Variants in PPP4R4 observed in about 807,000 individuals in gnomAD.
The protein encoded by PPP4R4 is protein phosphatase 4 regulatory subunit 4.
Under a neutral mutation model 121.8 loss-of-function variants are expected in PPP4R4, and 70 were observed. The ratio of observed to expected loss-of-function variants is 0.57; its 90% CI spans 0.47 to 0.70. PPP4R4 has a LOEUF of 0.70. Ranked by LOEUF, PPP4R4 falls within the 30% of genes least tolerant of loss-of-function variation. The pLI is 0.00. For missense variants in PPP4R4, 875 were observed against 1,033.6 expected (o/e 0.85, Z 2.10); for synonymous variants, 348 against 355.7 (o/e 0.98, Z 0.24).
chr14:94,242,439 T>C, intron 11 of PPP4R4, 31 bp downstream of exon 11: 1 of 1,581,840 alleles, frequency 6.3e-7, no homozygotes, highest in Non-Finnish European at 8.7e-7. Context: ...TCACTTTACG[T>C]TTGTTGTTAA....
chr14:94,238,574 A>G (rs938990601), intron 8 of PPP4R4, among the ~76,000 whole-genome samples: 3 of 152,196 alleles, frequency 2.0e-5, no homozygotes, highest in Non-Finnish European at 2.9e-5. Context: ...CCTTAGTGTT[A>G]TGTAAATCAT....
intron 3 of PPP4R4, among the ~76,000 whole-genome samples, chr14:94,214,841 C>G (rs1211250117): frequency 6.6e-6 from 1 of 152,112 alleles, no homozygotes; most frequent in Non-Finnish European, 1.5e-5. Flanking sequence ...AGAAAATTCC[C>G]CATCTGACCT....
intron 2 of PPP4R4, among the ~76,000 whole-genome samples, chr14:94,182,868 C>G (rs957376698): frequency 6.6e-6 from 1 of 152,088 alleles, no homozygotes; most frequent in Non-Finnish European, 1.5e-5. Context: ...TGTGCTTTGA[C>G]CAGTTTGTAC....
rs760397065 is a variant in PPP4R4, at chr14:94,245,675, A to T, written c.1428+5A>T. 1 of 1,563,722 alleles carries T rather than the reference A, an allele frequency of 6.4e-7. No homozygotes were observed. Among genetic ancestry groups the T allele is most frequent in the South Asian group, 1.1e-5 (1 of 87,720 alleles). ...AGCAGTGTTCAAGAAAATAAGGTAA[A>T]CTTCATCTTTCAGAAACATTCTGAG... On this transcript the variant is annotated splice_donor_5th_base_variant and intron_variant, in intron 13 of 24. Transcript: ENST00000304338.
At chr14:94,231,111 C>A in intron 4 of PPP4R4, 131 bp from the exon 5 acceptor site, 3 of 692,022 alleles carry the variant, frequency 4.3e-6, no homozygotes, top group Non-Finnish European at 6.8e-6. Context: ...AATAGAGAAA[C>A]TTTTTAGAAT....
intron 9 of PPP4R4, among the ~76,000 whole-genome samples, chr14:94,241,551 C>T (rs913152092): frequency 6.6e-6 from 1 of 151,850 alleles, no homozygotes; most frequent in African/African-American, 2.4e-5. Flanking sequence ...ACAGTTCCTG[C>T]GTTATGTAAG....
intron 2 of PPP4R4, among the ~76,000 whole-genome samples, chr14:94,208,058 T>G (rs1890555811): frequency 6.6e-6 from 1 of 151,950 alleles, no homozygotes; most frequent in Non-Finnish European, 1.5e-5. Context: ...CTGTCCCTGT[T>G]GCTATGACTA....
chr14:94,217,874 A>C (rs2139480345), intron 3 of PPP4R4, among the ~76,000 whole-genome samples: 1 of 152,266 alleles, frequency 6.6e-6, no homozygotes, highest in Non-Finnish European at 1.5e-5. Flanking sequence ...CATCCCCGTA[A>C]TCCCAGCTAC....
In PPP4R4 at chr14:94,279,682, A is replaced by G. The variant is rs1259801022; in HGVS notation, c.*1039A>G. The G allele has an allele frequency of 6.6e-6, 1 of 152,632 alleles. No homozygotes were observed. Among genetic ancestry groups the G allele is most frequent in the Admixed American group, 6.5e-5 (1 of 15,278 alleles). The allele number at this position is 152,632 out of a possible 1,614,324, so 9.5% of individuals were successfully genotyped here. A position where few individuals can be genotyped will look rare whatever the true frequency, so the allele number is the denominator to read the frequency against. ...TATGTATGTGTGGTTACTTTTTATA[A>G]TGTGAAATAATGAATAATGAATTTA... is the stretch of plus-strand genomic sequence containing the variant. On this transcript the variant is annotated 3_prime_UTR_variant, in exon 25 of 25. Coordinates refer to ENST00000304338, the MANE Select transcript of PPP4R4 (RefSeq NM_058237.2).
At chr14:94,226,139 A>T (rs918227179) in intron 3 of PPP4R4, among the ~76,000 whole-genome samples, 5 of 152,210 alleles carry the variant, frequency 3.3e-5, no homozygotes, top group East Asian at 3.8e-4. Flanking sequence ...ATTACGTTTA[A>T]AAATGACTTA....
At chr14:94,233,901 T>C (rs1169046326) in intron 6 of PPP4R4, 142 bp downstream of exon 6, 1 of 622,424 alleles carries the variant, frequency 1.6e-6, no homozygotes. Context: ...GGAATTCTCA[T>C]GACGAATTTA....
chr14:94,180,637 G>A (rs1462198783), intron 2 of PPP4R4, among the ~76,000 whole-genome samples: 3 of 147,036 alleles, frequency 2.0e-5, no homozygotes, highest in Non-Finnish European at 4.5e-5. Context: ...TAAAGACAGG[G>A]TCTCACTGTG....
At chr14:94,268,777 C>T (rs1224172392) in intron 23 of PPP4R4, among the ~76,000 whole-genome samples, 2 of 152,104 alleles carry the variant, frequency 1.3e-5, no homozygotes, top group African/African-American at 4.8e-5. Context: ...GACTTATTCA[C>T]TATCACGAGA....
At chr14:94,200,238 C>A (rs1890101511) in intron 2 of PPP4R4, among the ~76,000 whole-genome samples, 1 of 151,916 alleles carries the variant, frequency 6.6e-6, no homozygotes, top group Non-Finnish European at 1.5e-5. Context: ...TTATTCTAGC[C>A]ATTTTGTAGA....
intron 19 of PPP4R4, among the ~76,000 whole-genome samples, 159 bp from the exon 20 acceptor site, chr14:94,264,719 A>G (rs1445014702): frequency 6.6e-6 from 1 of 152,238 alleles, no homozygotes; most frequent in East Asian, 1.9e-4. Context: ...CACAAATCTG[A>G]AAGAACCCTG....
intron 3 of PPP4R4, among the ~76,000 whole-genome samples, chr14:94,224,726 T>C (rs1891600777): frequency 6.6e-6 from 1 of 151,894 alleles, no homozygotes; most frequent in Non-Finnish European, 1.5e-5. Flanking sequence ...TTGCAGAGAG[T>C]TGTATATACG....
rs375366929 is a variant in PPP4R4 at position 94,248,583 on chromosome 14, G to A, written c.1612-1589G>A. The stretch of plus-strand genomic sequence containing the variant: ...TTAAAATTACTCTTGAATAGCCAGC[G>A]CAATCTTCAGCTGCTATTTCAGCCC... On this transcript the variant is annotated intron_variant, in intron 14 of 24. Coordinates refer to ENST00000304338, the MANE Select transcript of PPP4R4 (RefSeq NM_058237.2). Among the ~76,000 whole-genome samples the A allele has an allele frequency of 9.9e-5, 15 of 152,192 alleles. No homozygotes were observed. In the Middle Eastern group the frequency reaches 0.01, roughly 104 times the overall value.
intron 3 of PPP4R4, among the ~76,000 whole-genome samples, chr14:94,209,231 C>A (rs1406539905): frequency 6.6e-6 from 1 of 152,020 alleles, no homozygotes; most frequent in Non-Finnish European, 1.5e-5. Context: ...ATAAAACAGA[C>A]ACCAGTGTGT....
intron 13 of PPP4R4, 54 bp downstream of exon 13, chr14:94,245,724 A>G (rs1892859180): frequency 1.5e-6 from 2 of 1,320,626 alleles, no homozygotes; most frequent in Non-Finnish European, 2.1e-6. Flanking sequence ...ATCCTACTCT[A>G]CAGGGTGTTT....
Sources: allele counts gnomAD v4.1 joint callset (sites outside exome capture counted in the v4.1 genomes callset), GRCh38; gene constraint gnomAD v4.1.1; transcripts MANE v1.5; gene names NCBI Gene and HGNC (gene_info 2026-07-23, HGNC 2026-07-21).